CLSTN1: variants seen among roughly 807,000 people sequenced by gnomAD.
CLSTN1 encodes calsyntenin-1.
In CLSTN1, 28 loss-of-function variants were observed where a neutral mutation model predicts 108.3. The observed-to-expected ratio is 0.26, with a 90% confidence interval of 0.19 to 0.35. The LOEUF (loss-of-function observed/expected upper bound fraction) is 0.35. Ranked by LOEUF, CLSTN1 falls within the 10% of genes least tolerant of loss-of-function variation. The pLI, the probability that CLSTN1 is intolerant of heterozygous loss-of-function variation, is 1.00. For missense variants in CLSTN1, 1,157 were observed against 1,302.6 expected (o/e 0.89, Z 1.72); for synonymous variants, 524 against 534.9 (o/e 0.98, Z 0.28).
chr1:9,800,353 A>G (rs1654204421), intron 1 of CLSTN1, among the ~76,000 whole-genome samples: 2 of 152,018 alleles, frequency 1.3e-5, no homozygotes, highest in African/African-American at 4.8e-5. Context: ...TGAAAAAAAA[A>G]GAGAGAAGAC....
chr1:9,760,684 GTTTTTT>G (rs762619559), intron 2 of CLSTN1, among the ~76,000 whole-genome samples: 1,324 of 102,432 alleles, frequency 0.013, 11 homozygotes, highest in Non-Finnish European at 0.019. Flanking sequence ...CCATTCCCGG[GTTTTTT>G]TTTTTTTTTT....
rs1650337295 is a variant in CLSTN1 at position 9,730,836 on chromosome 1, C to G, written c.2749-131G>C. ...TCTCCCTCCCCAGCGACAGAGCAGC[C>G]AGGACGGCACCGGAAGTTATATTAG... is the stretch of plus-strand genomic sequence containing the variant. On this transcript the variant is annotated intron_variant, in intron 18 of 18. Transcript: ENST00000377298. This position sits in a 1 kb window ranked among gnomAD's most constrained non-coding sequence, Gnocchi z 5.6. The G allele has an allele frequency of 1.2e-6, 1 of 847,288 alleles. No homozygotes were observed. Among genetic ancestry groups the G allele is most frequent in the Admixed American group, 2.4e-5 (1 of 41,288 alleles). 52.5% of individuals were successfully genotyped at this position (847,288 alleles called of 1,614,324 possible). A position where few individuals can be genotyped will look rare whatever the true frequency, so the allele number is the denominator to read the frequency against.
At chr1:9,762,952 C>T (rs189793618) in intron 2 of CLSTN1, among the ~76,000 whole-genome samples, 137 of 150,198 alleles carry the variant, frequency 9.1e-4, no homozygotes, top group African/African-American at 3.2e-3. Context: ...GCAGTTTTTT[C>T]GGGGTACCTT....
At chr1:9,809,242 A>C (rs1053797377) in intron 1 of CLSTN1, among the ~76,000 whole-genome samples, 5 of 151,108 alleles carry the variant, frequency 3.3e-5, no homozygotes, top group African/African-American at 7.3e-5. Context: ...TCAGACACAC[A>C]CCCCCCAGCC....
intron 1 of CLSTN1, among the ~76,000 whole-genome samples, chr1:9,781,673 C>A (rs1358996918): frequency 6.6e-6 from 1 of 152,068 alleles, no homozygotes; most frequent in Non-Finnish European, 1.5e-5. Context: ...GAACTCCCGG[C>A]CTCAGGTGAT....
intron 1 of CLSTN1, among the ~76,000 whole-genome samples, chr1:9,809,878 G>A (rs1048617515): frequency 6.6e-6 from 1 of 150,492 alleles, no homozygotes; most frequent in Non-Finnish European, 1.5e-5. Context: ...TCTAGCCTGA[G>A]GGAAAGAGCA....
chr1:9,785,838 A>T (rs1653462144), intron 1 of CLSTN1, among the ~76,000 whole-genome samples: 2 of 150,944 alleles, frequency 1.3e-5, no homozygotes, highest in Non-Finnish European at 1.5e-5. Context: ...TCTGTCTCAG[A>T]GGTGTGGGAC....
intron 8 of CLSTN1, among the ~76,000 whole-genome samples, 176 bp from the exon 9 acceptor site, chr1:9,744,181 G>A (rs1329297912): frequency 6.6e-6 from 1 of 152,224 alleles, no homozygotes; most frequent in Non-Finnish European, 1.5e-5. Context: ...GGCGGAGCCT[G>A]TGATCACCGT....
chr1:9,741,033 C>T (rs1570440195), intron 10 of CLSTN1, 61 bp downstream of exon 10: 4 of 1,557,644 alleles, frequency 2.6e-6, no homozygotes, highest in Middle Eastern at 4.6e-4. Context: ...CTGCTGCCAC[C>T]AACCTAGTAA....
intron 2 of CLSTN1, among the ~76,000 whole-genome samples, chr1:9,764,313 C>T (rs1652221533): frequency 6.6e-6 from 1 of 152,062 alleles, no homozygotes; most frequent in South Asian, 2.1e-4. Context: ...ACCCAAACAC[C>T]TCCCATTAGG....
Position 9,730,781 on chromosome 1 carries a change from G to T in CLSTN1, c.2749-76C>A. 7.3e-7 allele frequency: 1 copy of T among 1,370,792 alleles called. No homozygotes were observed. The highest frequency in any genetic ancestry group is 1.0e-6 in the Non-Finnish European group (1 of 995,486). 84.9% of individuals were successfully genotyped at this position (1,370,792 alleles called of 1,614,324 possible). ...GTCACCTGGCATTCTCCTCTCGACA[G>T]CCACAGAGGAAGGAGAACTTGCCCC... On this transcript the variant is annotated intron_variant, in intron 18 of 18. Coordinates refer to ENST00000377298, the MANE Select transcript of CLSTN1 (RefSeq NM_001009566.3). The surrounding 1 kb of genome is among the most constrained non-coding windows in gnomAD (Gnocchi z 5.6).
rs1394573484 is a variant in CLSTN1, at chr1:9,823,420, C to T, written c.91+223G>A. Among the ~76,000 whole-genome samples, 1 of 152,144 alleles carries T rather than the reference C, an allele frequency of 6.6e-6. No homozygotes were observed. The highest frequency in any genetic ancestry group is 1.5e-5 in the Non-Finnish European group (1 of 68,008). On this transcript the variant is annotated intron_variant, in intron 1 of 18. Coordinates refer to ENST00000377298, the MANE Select transcript of CLSTN1 (RefSeq NM_001009566.3). This position sits in a 1 kb window ranked among gnomAD's most constrained non-coding sequence, Gnocchi z 6.3. ...CGCCTGCAGCGCGCGCCCACAGTCT[C>T]CTGCGCCCTGGCCCCGGCTCCGCGA...
At position 9,763,652 on chromosome 1, in the gene CLSTN1, G is replaced by A. The variant is rs116688058; in HGVS notation, c.215-7142C>T. The stretch of plus-strand genomic sequence containing the variant: ...CTACACCAGGGCCCCAGGTGATCCA[G>A]ACATAGCATTGGAAAACCCCATGCA... On this transcript the variant is annotated intron_variant, in intron 2 of 18. Coordinates refer to ENST00000377298, the MANE Select transcript of CLSTN1 (RefSeq NM_001009566.3). 5.4e-3 allele frequency among the ~76,000 whole-genome samples: 825 copies of A among 152,260 alleles called. 11 individuals carry two copies. The highest frequency in any genetic ancestry group is 0.019 in the African/African-American group (798 of 41,552).
intron 1 of CLSTN1, among the ~76,000 whole-genome samples, chr1:9,807,313 T>C (rs960131342): frequency 1.3e-5 from 2 of 152,126 alleles, no homozygotes; most frequent in African/African-American, 4.8e-5. Context: ...AGTTGGTCAC[T>C]ACATCCTTAC....
rs1036603483 is a variant in CLSTN1, at chr1:9,737,348, T to C, written c.1576+150A>G. The C allele has an allele frequency of 1.8e-4, 136 of 738,368 alleles. 1 individual carries two copies. Among genetic ancestry groups the C allele is most frequent in the South Asian group, 7.1e-4 (45 of 62,986 alleles). The allele number at this position is 738,368 out of a possible 1,614,324, so 45.7% of individuals were successfully genotyped here. ...GAATGGGCAGAATAAGGGAACTCCA[T>C]GAAGCAATGGGGAAGCGCAATGCAG... On this transcript the variant is annotated intron_variant, in intron 11 of 18. Transcript: ENST00000377298.
intron 1 of CLSTN1, among the ~76,000 whole-genome samples, chr1:9,779,117 C>A (rs958173856): frequency 6.6e-6 from 1 of 152,016 alleles, no homozygotes; most frequent in South Asian, 2.1e-4. Flanking sequence ...GGGGGTCTGC[C>A]GGCAGGAGGT....
intron 1 of CLSTN1, among the ~76,000 whole-genome samples, chr1:9,800,280 A>G (rs914828401): frequency 3.3e-5 from 5 of 152,052 alleles, no homozygotes; most frequent in African/African-American, 1.2e-4. Context: ...AAAACCAACA[A>G]AACCAAAAGC....
chr1:9,803,489 C>T (rs979650766), intron 1 of CLSTN1, among the ~76,000 whole-genome samples: 1 of 152,168 alleles, frequency 6.6e-6, no homozygotes, highest in Admixed American at 6.6e-5. Context: ...GCACAAAGGT[C>T]TTTTATCGTG....
intron 1 of CLSTN1, among the ~76,000 whole-genome samples, chr1:9,787,065 G>A (rs966427157): frequency 2.6e-5 from 4 of 151,364 alleles, no homozygotes; most frequent in African/African-American, 2.4e-5. Flanking sequence ...AAGAGAAGGG[G>A]AAGGGGCTGG....
Sources: gnomAD v4.1 joint callset for allele counts (sites outside exome capture counted in the v4.1 genomes callset) on GRCh38, gnomAD v4.1.1 for gene constraint, Gnocchi (gnomAD v3.1) non-coding constraint, MANE v1.5 for transcripts, NCBI Gene and HGNC (gene_info 2026-07-23, HGNC 2026-07-21) for gene names.